The following COG7 variants were observed in gnomAD, a reference collection of about 807,000 sequenced individuals.
COG7 encodes conserved oligomeric Golgi complex subunit 7.
Under a neutral mutation model 91.5 loss-of-function variants are expected in COG7, and 49 were observed. The observed-to-expected ratio is 0.54, with a 90% confidence interval of 0.43 to 0.68. The LOEUF is 0.68. Ranked by LOEUF, COG7 falls within the 30% of genes least tolerant of loss-of-function variation. The probability of loss-of-function intolerance (pLI) is 0.00; values close to 1 mark genes in which losing one functional copy is unlikely to be tolerated. For missense variants in COG7, 895 were observed against 961.3 expected (o/e 0.93, Z 0.91); for synonymous variants, 365 against 388.7 (o/e 0.94, Z 0.72).
intron 13 of COG7, among the ~76,000 whole-genome samples, chr16:23,398,333 C>T (rs765217987): frequency 2.6e-5 from 4 of 152,200 alleles, no homozygotes; most frequent in Admixed American, 6.5e-5. Context: ...CAGAAGGCAA[C>T]GATTTCTCTC....
intron 16 of COG7, chr16:23,390,314 T>A (rs1029801085): frequency 1.3e-5 from 2 of 150,478 alleles, no homozygotes; most frequent in Admixed American, 6.7e-5. Context: ...GCAATTCTCC[T>A]ACCTCAGCCT....
chr16:23,399,511 G>T (rs771535034), intron 13 of COG7, among the ~76,000 whole-genome samples: 8 of 152,060 alleles, frequency 5.3e-5, no homozygotes, highest in Non-Finnish European at 1.0e-4. Flanking sequence ...GCTACTTGGG[G>T]AAGCAAGACC....
intron 4 of COG7, among the ~76,000 whole-genome samples, chr16:23,439,020 T>G (rs534147951): frequency 1.1e-3 from 164 of 151,732 alleles, no homozygotes; most frequent in Non-Finnish European, 1.8e-3. Context: ...TAGCTAGGTG[T>G]GGTGGTGCGC....
intron 1 of COG7, 101 bp downstream of exon 1, chr16:23,452,725 C>A: frequency 6.6e-7 from 1 of 1,507,862 alleles, no homozygotes; most frequent in Non-Finnish European, 8.9e-7. Context: ...ATTTGCTGTC[C>A]ATGCGTGCCC....
intron 1 of COG7, chr16:23,446,397 A>G (rs1964182598): frequency 4.3e-6 from 1 of 230,412 alleles, no homozygotes; most frequent in Non-Finnish European, 8.6e-6. Context: ...TTACAGAGCT[A>G]AAAGTAAGCC....
chr16:23,413,376 T>G, intron 10 of COG7, 72 bp downstream of exon 10: 2 of 876,328 alleles, frequency 2.3e-6, no homozygotes, highest in Non-Finnish European at 3.9e-6. Context: ...ATTTGTCATT[T>G]TTATATACTA....
intron 15 of COG7, 151 bp downstream of exon 15, chr16:23,393,082 T>C: frequency 1.4e-6 from 1 of 691,014 alleles, no homozygotes; most frequent in Non-Finnish European, 2.6e-6. Flanking sequence ...TTGTTTTAGA[T>C]ACAGCATGTG....
intron 12 of COG7, 109 bp from the exon 13 acceptor site, chr16:23,403,943 A>T: frequency 7.5e-7 from 1 of 1,340,278 alleles, no homozygotes; most frequent in South Asian, 1.2e-5. Context: ...TCTATGCAAT[A>T]GTGGTTCCCA....
rs191989874 is a variant in COG7, at chr16:23,410,651, C to T, written c.1410-291G>A. On this transcript the variant is annotated intron_variant, in intron 10 of 16. Coordinates refer to ENST00000307149, the MANE Select transcript of COG7 (RefSeq NM_153603.4). The stretch of plus-strand genomic sequence containing the variant: ...AATTTTACATTTCCAAAATACTCAG[C>T]TTTGTCCTTGAGAAAAACAGGGTAG... 1.2e-3 allele frequency among the ~76,000 whole-genome samples: 181 copies of T among 152,236 alleles called. 2 individuals are homozygous for T. Among genetic ancestry groups the T allele is most frequent in the African/African-American group, 4.3e-3 (179 of 41,548 alleles).
intron 6 of COG7, among the ~76,000 whole-genome samples, chr16:23,428,896 T>C (rs1238330991): frequency 6.6e-6 from 1 of 152,108 alleles, no homozygotes; most frequent in African/African-American, 2.4e-5. Flanking sequence ...TTTCACCATG[T>C]TGGCCAGGCT....
intron 7 of COG7, 32 bp from the exon 8 acceptor site, chr16:23,418,859 G>C: frequency 1.2e-6 from 2 of 1,605,736 alleles, no homozygotes; most frequent in South Asian, 2.2e-5. Flanking sequence ...AAACGATAAT[G>C]AACAAAGAAT....
At chr16:23,429,119 T>G (rs576963020) in intron 6 of COG7, among the ~76,000 whole-genome samples, 23 of 152,116 alleles carry the variant, frequency 1.5e-4, no homozygotes, top group Admixed American at 5.2e-4. Context: ...CCTCCTGAGT[T>G]GCTGAGACTA....
chr16:23,441,467 C>T (rs1212080561), intron 4 of COG7, among the ~76,000 whole-genome samples: 3 of 152,026 alleles, frequency 2.0e-5, no homozygotes, highest in Non-Finnish European at 4.4e-5. Flanking sequence ...CCCAGCTACT[C>T]GGGAGACTGA....
At chr16:23,444,009 G>A (rs183568463) in intron 3 of COG7, among the ~76,000 whole-genome samples, 5 of 151,432 alleles carry the variant, frequency 3.3e-5, no homozygotes, top group East Asian at 4.0e-4. Context: ...AAAATTAGCC[G>A]GGTATGGTAG....
At chr16:23,423,264 G>A (rs1309156389) in intron 7 of COG7, among the ~76,000 whole-genome samples, 1 of 152,008 alleles carries the variant, frequency 6.6e-6, no homozygotes, top group Admixed American at 6.6e-5. Flanking sequence ...CTATTCAGGA[G>A]GCTGAGGCAG....
chr16:23,397,012 C>T lies in COG7; in HGVS notation c.1887+1034G>A, dbSNP rs145818654. 2.1e-3 allele frequency among the ~76,000 whole-genome samples: 317 copies of T among 152,230 alleles called. 3 individuals carry two copies. The highest frequency in any genetic ancestry group is 0.01 in the South Asian group (49 of 4,824). ...GCAGCGTCGACCTCCTGGGCTCAAGCGATTCTCCCACCTCAGCACCCCAAG... is the reference window on the plus strand; with the variant it reads ...GCAGCGTCGACCTCCTGGGCTCAAGTGATTCTCCCACCTCAGCACCCCAAG... On this transcript the variant is annotated intron_variant, in intron 14 of 16. Transcript: ENST00000307149.
chr16:23,437,752 C>T (rs1378323505), intron 4 of COG7, among the ~76,000 whole-genome samples: 2 of 152,196 alleles, frequency 1.3e-5, no homozygotes, highest in Admixed American at 6.6e-5. Context: ...GAAAACTCCA[C>T]CACGGTACCT....
chr16:23,416,961 C>T lies in COG7; in HGVS notation c.1292+6G>A, dbSNP rs200580911. 1.9e-6 allele frequency: 3 copies of T among 1,614,206 alleles called. No individual in the cohort carries two copies. The highest frequency in any genetic ancestry group is 2.7e-5 in the African/African-American group (2 of 75,054). Reference sequence around the variant, plus strand: ...GCCCGTCTGGTCCCCAGTTCCCCAGCCTTACTTGGCAAAGAGGGATTTCAG... The same window carrying T: ...GCCCGTCTGGTCCCCAGTTCCCCAGTCTTACTTGGCAAAGAGGGATTTCAG... On this transcript the variant is annotated splice_donor_region_variant and intron_variant, in intron 9 of 16. Transcript: ENST00000307149.
At chr16:23,414,161 A>G (rs186186707) in intron 9 of COG7, 1 of 157,212 alleles carries the variant, frequency 6.4e-6, no homozygotes, top group African/African-American at 2.4e-5. Flanking sequence ...CTGTACACAC[A>G]TACTTTTCCC....
Sources: allele counts gnomAD v4.1 joint callset (sites outside exome capture counted in the v4.1 genomes callset), GRCh38; gene constraint gnomAD v4.1.1; transcripts MANE v1.5; gene names NCBI Gene and HGNC (gene_info 2026-07-23, HGNC 2026-07-21).